SLC25A28: variants seen among roughly 807,000 people sequenced by gnomAD.
The protein encoded by SLC25A28 is solute carrier family 25 member 28.
In SLC25A28, 10 loss-of-function variants were observed where a neutral mutation model predicts 31.9. That is an observed-to-expected ratio of 0.31 (90% CI 0.19 to 0.53). The LOEUF is 0.53. SLC25A28 is among the 20% of genes least tolerant of loss of function. The probability of loss-of-function intolerance (pLI) is 0.95; values close to 1 mark genes in which losing one functional copy is unlikely to be tolerated. For synonymous variants in SLC25A28, 208 were observed against 203.6 expected (o/e 1.02, Z -0.19); for missense variants, 256 against 490.3 (o/e 0.52, Z 4.51).
chr10:99,610,948 T>G lies in SLC25A28; in HGVS notation c.996A>C (p.Val332=), dbSNP rs775258642. Residue 332 remains valine, a synonymous_variant, in exon 4 of 4, where the codon GTA becomes GTC. Coordinates refer to ENST00000370495, the MANE Select transcript of SLC25A28 (RefSeq NM_031212.4). ...TAYFRGVQAR[V]IYQIPSTAIA... is the part of the protein sequence containing the mutation. ...TGGCTGTGGAGGGGATCTGGTAAAT[T>G]ACTCTGGCCTGCACCCCTCGGAAAT... 8.1e-6 allele frequency: 13 copies of G among 1,614,210 alleles called. No individual in the cohort carries two copies. In the Admixed American group the frequency reaches 2.0e-4, roughly 25 times the overall value.
the SLC25A28 span, among the ~76,000 whole-genome samples, chr10:99,654,357 C>A: frequency 6.6e-6 from 1 of 152,084 alleles, no homozygotes; most frequent in Non-Finnish European, 1.5e-5. Flanking sequence ...TATCAAGAAC[C>A]CAGTTTGCTT....
intron 1 of SLC25A28, chr10:99,615,911 G>A (rs1051130091): frequency 1.0e-6 from 1 of 985,264 alleles, no homozygotes; most frequent in South Asian, 4.7e-5. Context: ...CGGAGGCCTG[G>A]AACTCCTCAC....
the SLC25A28 span, among the ~76,000 whole-genome samples, chr10:99,628,562 C>T: frequency 5.3e-5 from 8 of 152,216 alleles, no homozygotes; most frequent in Admixed American, 2.0e-4. Context: ...CAGTGGCTCA[C>T]GCCTACAATC....
the SLC25A28 span, among the ~76,000 whole-genome samples, chr10:99,641,419 T>G: frequency 6.8e-6 from 1 of 147,976 alleles, no homozygotes; most frequent in Non-Finnish European, 1.5e-5. Flanking sequence ...GGTTGTTTGA[T>G]TTTTTTCTTG....
the SLC25A28 span, among the ~76,000 whole-genome samples, chr10:99,631,877 TA>T: frequency 5.1e-5 from 5 of 98,314 alleles, no homozygotes; most frequent in African/African-American, 1.9e-4. Flanking sequence ...CTCAGTATGT[TA>T]TTTTTTTTTT....
the SLC25A28 span, among the ~76,000 whole-genome samples, chr10:99,649,505 G>C: frequency 6.6e-6 from 1 of 152,148 alleles, no homozygotes; most frequent in Admixed American, 6.5e-5. Context: ...TCTATTTTCT[G>C]AAATAGCTTC....
At chr10:99,627,628 G>C in the SLC25A28 span, among the ~76,000 whole-genome samples, 1 of 152,016 alleles carries the variant, frequency 6.6e-6, no homozygotes, top group East Asian at 1.9e-4. Context: ...TTTTAGTAGA[G>C]ACAAGGTCTC....
At chr10:99,615,462 A>AGG in intron 1 of SLC25A28, 1 of 985,214 alleles carries the variant, frequency 1.0e-6, no homozygotes, top group Non-Finnish European at 1.2e-6. Flanking sequence ...CCAGATGAAC[A>AGG]GGTCCCGGTT....
chr10:99,639,452 A>C, the SLC25A28 span, among the ~76,000 whole-genome samples: 2 of 152,114 alleles, frequency 1.3e-5, no homozygotes, highest in Non-Finnish European at 2.9e-5. Context: ...ATGTAACCAA[A>C]TACCACCTGT....
the SLC25A28 span, among the ~76,000 whole-genome samples, chr10:99,658,471 T>C: frequency 6.6e-6 from 1 of 152,192 alleles, no homozygotes; most frequent in African/African-American, 2.4e-5. Flanking sequence ...GACATATACG[T>C]ATAATAGTAA....
chr10:99,612,786 C>G (rs1042422492), intron 2 of SLC25A28, 187 bp from the exon 3 acceptor site: 2 of 647,450 alleles, frequency 3.1e-6, no homozygotes, highest in Non-Finnish European at 2.7e-6. Context: ...TCTGTTCCCA[C>G]CAACTTTGTA....
At chr10:99,642,400 T>C in the SLC25A28 span, among the ~76,000 whole-genome samples, 281 of 152,306 alleles carry the variant, frequency 1.8e-3, 1 homozygote, top group African/African-American at 6.5e-3. Context: ...ATGCTTGTGA[T>C]TTTTGCACAT....
At chr10:99,649,872 A>G in the SLC25A28 span, among the ~76,000 whole-genome samples, 5 of 151,860 alleles carry the variant, frequency 3.3e-5, no homozygotes, top group African/African-American at 1.2e-4. Context: ...TGGCTTATCA[A>G]TTTTGCTTAC....
At chr10:99,634,167 T>C in the SLC25A28 span, among the ~76,000 whole-genome samples, 1 of 152,170 alleles carries the variant, frequency 6.6e-6, no homozygotes, top group African/African-American at 2.4e-5. Context: ...GCCCTAGACC[T>C]TCCCTCTGGC....
At chr10:99,612,197 G>GAA (rs946916276) in intron 3 of SLC25A28, among the ~76,000 whole-genome samples, 1 of 150,908 alleles carries the variant, frequency 6.6e-6, no homozygotes, top group Non-Finnish European at 1.5e-5. Flanking sequence ...TCATAAGGGG[G>GAA]AAAAAAAAAG....
intron 1 of SLC25A28, chr10:99,617,739 T>C: frequency 1.0e-6 from 1 of 985,498 alleles, no homozygotes; most frequent in African/African-American, 1.7e-5. Context: ...TTTCGTATTG[T>C]TGACAACTCC....
chr10:99,616,728 T>C (rs2034665670), intron 1 of SLC25A28: 4 of 985,464 alleles, frequency 4.1e-6, no homozygotes, highest in Non-Finnish European at 3.6e-6. Flanking sequence ...GGAAGCTATA[T>C]GGAAGGCTTG....
At chr10:99,639,467 C>A in the SLC25A28 span, among the ~76,000 whole-genome samples, 1 of 151,932 alleles carries the variant, frequency 6.6e-6, no homozygotes. Context: ...ACCTGTACCC[C>A]AATAACCTAT....
At chr10:99,634,659 A>T in the SLC25A28 span, among the ~76,000 whole-genome samples, 1 of 152,210 alleles carries the variant, frequency 6.6e-6, no homozygotes, top group Non-Finnish European at 1.5e-5. Context: ...TAAATGACCA[A>T]ACTAAGAACA....
Sources: allele counts gnomAD v4.1 joint callset (sites outside exome capture counted in the v4.1 genomes callset), GRCh38; gene constraint gnomAD v4.1.1; transcripts MANE v1.5; gene names NCBI Gene and HGNC (gene_info 2026-07-23, HGNC 2026-07-21).